Variants in RELL1 observed in about 807,000 individuals in gnomAD.
RELL1 encodes RELT-like protein 1.
Under a neutral mutation model 23.0 loss-of-function variants are expected in RELL1, and 10 were observed. That is an observed-to-expected ratio of 0.43 (90% confidence interval 0.27 to 0.74). The LOEUF (loss-of-function observed/expected upper bound fraction) is 0.74, where lower values mean the gene tolerates loss of function less well. RELL1 is among the 30% of genes least tolerant of loss of function. RELL1 has a pLI of 0.19. For synonymous variants in RELL1, 146 were observed against 146.8 expected, an observed-to-expected ratio of 0.99 and a Z score of 0.04; for missense variants, 315 against 364.4, an observed-to-expected ratio of 0.86 and a Z score of 1.10.
At chr4:37,599,235 A>G (rs963077959) in intron 6 of RELL1, among the ~76,000 whole-genome samples, 1 of 152,346 alleles carries the variant, frequency 6.6e-6, no homozygotes, top group East Asian at 1.9e-4. Context: ...CCGCAAGTCA[A>G]TAGCTGAGAC....
At chr4:37,605,643 G>C (rs1057355388), downstream of RELL1, among the ~76,000 whole-genome samples, 2 of 151,732 alleles carry the variant, frequency 1.3e-5, no homozygotes, top group South Asian at 4.2e-4. Flanking sequence ...TCAGGAGGCT[G>C]AGGCAGAAGA....
At chr4:37,647,503 CT>C in intron 2 of RELL1, 64 bp from the exon 3 acceptor site, 1 of 1,131,786 alleles carries the variant, frequency 8.8e-7, no homozygotes, top group Non-Finnish European at 1.3e-6. Flanking sequence ...GTCAATCAAT[CT>C]TAGAACCCAA....
chr4:37,604,834 C>CAG lies in RELL1; in HGVS notation c.*4-13618_*4-13617insCT, dbSNP rs1719124585. ...AGACACACACACAGACACACACATACACACAGACACACACACAGACACACA... is the reference window on the plus strand; with the variant it reads ...AGACACACACACAGACACACACATACAGACACAGACACACACACAGACACACA... On this transcript the variant is annotated intron_variant, in intron 6 of 6. Transcript: ENST00000314117. Among the ~76,000 whole-genome samples, 12 of 105,364 alleles carry CAG rather than the reference C, an allele frequency of 1.1e-4. 1 individual carries two copies. Among genetic ancestry groups the CAG allele is most frequent in the African/African-American group, 3.5e-4 (8 of 22,862 alleles). The allele number at this position is 105,364 out of a possible 152,430, so 69.1% of individuals were successfully genotyped here.
chr4:37,665,553 C>T (rs1041523990), intron 1 of RELL1, among the ~76,000 whole-genome samples: 3 of 152,340 alleles, frequency 2.0e-5, no homozygotes, highest in South Asian at 2.1e-4. Context: ...CCAATTTCCA[C>T]GTGGCTGCGA....
At chr4:37,625,535 TA>T (rs1285718637) in intron 6 of RELL1, among the ~76,000 whole-genome samples, 1 of 151,998 alleles carries the variant, frequency 6.6e-6, no homozygotes, top group African/African-American at 2.4e-5. Context: ...TAACCCAATT[TA>T]AAAATGGGGC....
At chr4:37,633,989 C>T (rs538411813) in intron 5 of RELL1, among the ~76,000 whole-genome samples, 53 of 152,364 alleles carry the variant, frequency 3.5e-4, no homozygotes, top group Admixed American at 4.6e-4. Flanking sequence ...AGTGCTCACC[C>T]GGTCTCACTC....
chr4:37,631,346 C>T (rs1289443772), intron 6 of RELL1, 39 bp downstream of exon 6: 25 of 1,590,196 alleles, frequency 1.6e-5, no homozygotes, highest in Non-Finnish European at 2.1e-5. Context: ...CCTCACCCTG[C>T]ACCACTCTGC....
At chr4:37,684,395 A>C (rs1722330351) in intron 1 of RELL1, among the ~76,000 whole-genome samples, 1 of 151,814 alleles carries the variant, frequency 6.6e-6, no homozygotes, top group Non-Finnish European at 1.5e-5. Context: ...AGCTTTCATC[A>C]GTCACATTCT....
intron 3 of RELL1, among the ~76,000 whole-genome samples, chr4:37,639,465 T>C (rs529260219): frequency 6.7e-6 from 1 of 150,212 alleles, no homozygotes; most frequent in Non-Finnish European, 1.5e-5. Context: ...TTTAAAAAAT[T>C]AGACTTCTAA....
chr4:37,669,797 G>C (rs889934404), intron 1 of RELL1, among the ~76,000 whole-genome samples: 3 of 151,982 alleles, frequency 2.0e-5, no homozygotes, highest in African/African-American at 7.3e-5. Context: ...ATGGATTAAG[G>C]GCGGTGCAAG....
downstream of RELL1, among the ~76,000 whole-genome samples, chr4:37,609,366 A>G (rs1219094335): frequency 1.3e-5 from 2 of 152,238 alleles, no homozygotes; most frequent in African/African-American, 4.8e-5. Flanking sequence ...ATTCAAAATA[A>G]TAACTCATTG....
At chr4:37,661,775 T>C (rs1577598534) in intron 1 of RELL1, among the ~76,000 whole-genome samples, 1 of 152,320 alleles carries the variant, frequency 6.6e-6, no homozygotes, top group Non-Finnish European at 1.5e-5. Context: ...AGCTCAAGAA[T>C]ATGTTGTAGA....
intron 6 of RELL1, chr4:37,622,932 G>A (rs547138946): frequency 4.8e-6 from 2 of 417,402 alleles, no homozygotes; most frequent in Admixed American, 5.7e-5. Context: ...AGCCTCCCGA[G>A]TAGCTGGGAC....
chr4:37,664,638 A>G (rs768746595), intron 1 of RELL1, among the ~76,000 whole-genome samples: 3 of 152,184 alleles, frequency 2.0e-5, no homozygotes, highest in Non-Finnish European at 4.4e-5. Context: ...TCAATCATAC[A>G]CATGAGATAG....
intron 6 of RELL1, chr4:37,591,254 T>C (rs1466999014): frequency 5.3e-6 from 2 of 378,270 alleles, no homozygotes; most frequent in Non-Finnish European, 9.6e-6. Context: ...TGTGCCCATA[T>C]CCACAGAAAA....
chr4:37,610,945 G>GT lies in RELL1; in HGVS notation c.*2400dup, dbSNP rs1353612867. Among the ~76,000 whole-genome samples the GT allele has an allele frequency of 6.6e-6, 1 of 152,176 alleles. No homozygotes were observed. The highest frequency in any genetic ancestry group is 1.5e-5 in the Non-Finnish European group (1 of 68,034). On this transcript the variant is annotated 3_prime_UTR_variant, in exon 7 of 7. Coordinates refer to ENST00000454158, the MANE Select transcript of RELL1 (RefSeq NM_001085400.2). This position sits in a 1 kb window ranked among gnomAD's most constrained non-coding sequence, Gnocchi z 4.1. The stretch of plus-strand genomic sequence containing the variant: ...AGTTCAGTATAAACCAGTAAAAAGC[G>GT]TATGTGTTGAAAATACTGAACGCTT...
intron 1 of RELL1, among the ~76,000 whole-genome samples, chr4:37,661,961 C>T (rs1721371569): frequency 6.6e-6 from 1 of 152,174 alleles, no homozygotes; most frequent in African/African-American, 2.4e-5. Flanking sequence ...AGGGAGGGGA[C>T]ACCCAGATGG....
At chr4:37,668,448 C>T (rs1332437290) in intron 1 of RELL1, among the ~76,000 whole-genome samples, 1 of 152,152 alleles carries the variant, frequency 6.6e-6, no homozygotes, top group African/African-American at 2.4e-5. Flanking sequence ...CAGCTCCTAA[C>T]CGCGAGTGAT....
At chr4:37,673,412 G>A (rs1186431656) in intron 1 of RELL1, among the ~76,000 whole-genome samples, 1 of 151,754 alleles carries the variant, frequency 6.6e-6, no homozygotes, top group Non-Finnish European at 1.5e-5. Context: ...GGCTGGTCCT[G>A]AACTCCTGGC....
Sources: allele counts gnomAD v4.1 joint callset (sites outside exome capture counted in the v4.1 genomes callset), GRCh38; gene constraint gnomAD v4.1.1; non-coding constraint Gnocchi (gnomAD v3.1); transcripts MANE v1.5; gene names NCBI Gene and HGNC (gene_info 2026-07-23, HGNC 2026-07-21).